Variants in DYM observed in about 807,000 individuals in gnomAD.
The protein encoded by DYM is dyggve-Melchior-Clausen syndrome protein.
A neutral mutation model predicts 93.1 loss-of-function variants in DYM; 78 were observed. That is an observed-to-expected ratio of 0.84 (90% CI 0.70 to 1.01). The LOEUF is 1.01. Ranked by LOEUF, DYM falls within the 50% of genes least tolerant of loss-of-function variation. DYM has a pLI of 0.00. For missense variants in DYM, 789 were observed against 845.0 expected, an observed-to-expected ratio of 0.93 and a Z score of 0.82; for synonymous variants, 321 against 319.7, an observed-to-expected ratio of 1.00 and a Z score of -0.04.
chr18:49,062,530 C>T (rs2076066558), intron 17 of DYM, among the ~76,000 whole-genome samples: 1 of 152,196 alleles, frequency 6.6e-6, no homozygotes, highest in African/African-American at 2.4e-5. Flanking sequence ...AAACCACGAG[C>T]CCTTAAGATT....
chr18:49,275,377 T>C (rs774796392), intron 10 of DYM, among the ~76,000 whole-genome samples: 1 of 152,206 alleles, frequency 6.6e-6, no homozygotes, highest in Admixed American at 6.6e-5. Context: ...TGTTGCTTTA[T>C]AGTAAGTTTT....
chr18:49,447,100 G>A (rs1300420388), intron 1 of DYM, among the ~76,000 whole-genome samples: 3 of 151,782 alleles, frequency 2.0e-5, no homozygotes, highest in Non-Finnish European at 2.9e-5. Flanking sequence ...AGGACAAGAA[G>A]GGTTGGCCTG....
chr18:49,165,398 T>C (rs1213490357), intron 14 of DYM, among the ~76,000 whole-genome samples: 1 of 152,180 alleles, frequency 6.6e-6, no homozygotes, highest in African/African-American at 2.4e-5. Flanking sequence ...CATAAAAATC[T>C]GAAGTATGGC....
chr18:49,201,011 G>A (rs905595277), intron 14 of DYM, among the ~76,000 whole-genome samples: 1 of 152,022 alleles, frequency 6.6e-6, no homozygotes, highest in Non-Finnish European at 1.5e-5. Flanking sequence ...CACGTATTAT[G>A]CTATATCTTT....
At chr18:49,360,360 C>T (rs564551741) in intron 6 of DYM, among the ~76,000 whole-genome samples, 8 of 151,788 alleles carry the variant, frequency 5.3e-5, no homozygotes, top group East Asian at 3.9e-4. Context: ...CGTGGTGGCT[C>T]ATGCCTGTAA....
At chr18:49,278,084 TA>T (rs201058025) in intron 10 of DYM, among the ~76,000 whole-genome samples, 8 of 151,350 alleles carry the variant, frequency 5.3e-5, no homozygotes, top group South Asian at 2.1e-4. Context: ...ACAAAAGAGC[TA>T]AAAAAAAATT....
intron 15 of DYM, among the ~76,000 whole-genome samples, chr18:49,149,492 CTTG>C (rs2085563998): frequency 6.6e-6 from 1 of 152,102 alleles, no homozygotes; most frequent in Admixed American, 6.5e-5. Flanking sequence ...TCCCATGGAA[CTTG>C]TTATCTTCTA....
At chr18:49,210,441 A>G (rs1012899151) in intron 13 of DYM, among the ~76,000 whole-genome samples, 2 of 152,218 alleles carry the variant, frequency 1.3e-5, no homozygotes, top group African/African-American at 4.8e-5. Flanking sequence ...AGTGAAAGCC[A>G]CCAATCTGCA....
intron 14 of DYM, among the ~76,000 whole-genome samples, chr18:49,186,920 CTTTTTTTTTTT>C (rs57080617): frequency 0.18 from 21,101 of 118,332 alleles, 2,046 homozygotes; most frequent in East Asian, 0.31. Context: ...ACACAATCTT[CTTTTTTTTTTT>C]TTTTTTTTTT....
intron 17 of DYM, among the ~76,000 whole-genome samples, chr18:49,083,438 C>A (rs916894498): frequency 5.3e-5 from 8 of 152,126 alleles, no homozygotes; most frequent in Admixed American, 1.3e-4. Flanking sequence ...TTTTGTGTCT[C>A]TGTTCATGAG....
intron 11 of DYM, among the ~76,000 whole-genome samples, chr18:49,265,398 A>G (rs969103200): frequency 3.9e-5 from 6 of 152,206 alleles, no homozygotes; most frequent in African/African-American, 1.4e-4. Context: ...CTTCTGACTA[A>G]ATAGTGGAAG....
At chr18:49,158,669 C>T (rs2086715890) in intron 15 of DYM, among the ~76,000 whole-genome samples, 1 of 152,196 alleles carries the variant, frequency 6.6e-6, no homozygotes, top group South Asian at 2.1e-4. Flanking sequence ...ATTTTTAGCT[C>T]CCATAAATAA....
chr18:49,401,118 A>G (rs2070766004), intron 2 of DYM, among the ~76,000 whole-genome samples: 1 of 152,248 alleles, frequency 6.6e-6, no homozygotes, highest in Admixed American at 6.5e-5. Flanking sequence ...AATAAGTATC[A>G]CACAGTATAC....
rs560065383 is a variant in DYM at position 49,041,611 on chromosome 18, G to C, written c.*2444C>G. ...CCTCCTGAGCGGGAACCAGGACTGG[G>C]AGCATCACTTGCAGGCCTCCATGGA... On this transcript the variant is annotated 3_prime_UTR_variant, in exon 18 of 18. Coordinates refer to ENST00000675505, the MANE Select transcript of DYM (RefSeq NM_001353214.3). 6.6e-6 allele frequency: 1 copy of C among 152,382 alleles called. No homozygotes were observed. The highest frequency in any genetic ancestry group is 6.5e-5 in the Admixed American group (1 of 15,308). The allele number at this position is 152,382 out of a possible 1,614,324, so 9.4% of individuals were successfully genotyped here. A position where few individuals can be genotyped will look rare whatever the true frequency, so the allele number is the denominator to read the frequency against.
intron 17 of DYM, among the ~76,000 whole-genome samples, chr18:49,075,585 C>T: frequency 6.6e-6 from 1 of 152,128 alleles, no homozygotes. Context: ...TTTCTGGATC[C>T]TTGCTTGGGA....
At chr18:49,361,974 T>G (rs971903402) in intron 6 of DYM, among the ~76,000 whole-genome samples, 1 of 152,034 alleles carries the variant, frequency 6.6e-6, no homozygotes, top group Non-Finnish European at 1.5e-5. Flanking sequence ...ACTGCCCACC[T>G]TGGCCTTCCA....
chr18:49,201,146 C>T (rs1281579849), intron 14 of DYM, among the ~76,000 whole-genome samples: 1 of 152,148 alleles, frequency 6.6e-6, no homozygotes, highest in Non-Finnish European at 1.5e-5. Flanking sequence ...ACCCCTAGCA[C>T]ACTCCTCTTA....
At chr18:49,142,937 G>A (rs540586352) in intron 15 of DYM, among the ~76,000 whole-genome samples, 5 of 152,110 alleles carry the variant, frequency 3.3e-5, no homozygotes, top group East Asian at 1.9e-4. Flanking sequence ...TCTAAAGCCC[G>A]TAATTAAATC....
At chr18:49,352,195 C>T (rs570900826) in intron 6 of DYM, among the ~76,000 whole-genome samples, 3 of 152,200 alleles carry the variant, frequency 2.0e-5, no homozygotes, top group South Asian at 2.1e-4. Context: ...CAAAGTAGGT[C>T]GGTTTTGCTA....
Sources: allele counts gnomAD v4.1 joint callset (sites outside exome capture counted in the v4.1 genomes callset), GRCh38; gene constraint gnomAD v4.1.1; transcripts MANE v1.5; gene names NCBI Gene and HGNC (gene_info 2026-07-23, HGNC 2026-07-21).